The following STAT4 variants were observed in gnomAD, a reference collection of about 807,000 sequenced individuals.
STAT4 encodes signal transducer and activator of transcription 4.
Under a neutral mutation model 110.5 loss-of-function variants are expected in STAT4, and 42 were observed. That is an observed-to-expected ratio of 0.38 (90% CI 0.30 to 0.49). The LOEUF (loss-of-function observed/expected upper bound fraction) is 0.49, where lower values mean the gene tolerates loss of function less well. Among genes scored for constraint, STAT4 ranks in the 20% least tolerant of loss-of-function variants. The pLI, the probability that STAT4 is intolerant of heterozygous loss-of-function variation, is 0.95. For synonymous variants in STAT4, 284 were observed against 302.2 expected (o/e 0.94, Z 0.63); for missense variants, 632 against 887.9 (o/e 0.71, Z 3.66).
rs1163270750 is a variant in STAT4, at chr2:191,117,443, C to T, written c.273+29170G>A. 2.0e-5 allele frequency among the ~76,000 whole-genome samples: 3 copies of T among 152,166 alleles called. No homozygotes were observed. The highest frequency in any genetic ancestry group is 7.2e-5 in the African/African-American group (3 of 41,434). On this transcript the variant is annotated intron_variant, in intron 3 of 23. Transcript: ENST00000392320. The surrounding 1 kb of genome is among the most constrained non-coding windows in gnomAD (Gnocchi z 5.2). ...CATTTCTTCTTGTCCTAAAATAATA[C>T]TTCTACAACTCCCATTAGACTCTAT... is the stretch of plus-strand genomic sequence containing the variant.
At chr2:191,123,989 A>T (rs2125398377) in intron 3 of STAT4, among the ~76,000 whole-genome samples, 1 of 152,322 alleles carries the variant, frequency 6.6e-6, no homozygotes, top group East Asian at 1.9e-4. Flanking sequence ...AATTCCTTCC[A>T]TCCTTAGAAA....
intron 3 of STAT4, among the ~76,000 whole-genome samples, chr2:191,108,723 G>T (rs1363729691): frequency 2.0e-5 from 3 of 152,202 alleles, no homozygotes; most frequent in Non-Finnish European, 4.4e-5. Context: ...TGCATGCTCT[G>T]GGACCGTGAT....
At position 191,060,349 on chromosome 2, in the gene STAT4, T is replaced by C. The variant is rs1001455676; in HGVS notation, c.1034+1380A>G. Among the ~76,000 whole-genome samples, 16 of 152,254 alleles carry C rather than the reference T, an allele frequency of 1.1e-4. No individual in the cohort carries two copies. The highest frequency in any genetic ancestry group is 3.1e-4 in the African/African-American group (13 of 41,466). On this transcript the variant is annotated intron_variant, in intron 10 of 23. Coordinates refer to ENST00000392320, the MANE Select transcript of STAT4 (RefSeq NM_003151.4). This position sits in a 1 kb window ranked among gnomAD's most constrained non-coding sequence, Gnocchi z 4.5. Reference sequence around the variant, plus strand: ...CATCTTATTTCACTCTCCTCCGAGTTATACAGAGATGTCGGAATGAGGAAG... The same window carrying C: ...CATCTTATTTCACTCTCCTCCGAGTCATACAGAGATGTCGGAATGAGGAAG...
intron 3 of STAT4, among the ~76,000 whole-genome samples, chr2:191,092,455 A>G (rs1201797949): frequency 6.6e-6 from 1 of 152,074 alleles, no homozygotes; most frequent in Non-Finnish European, 1.5e-5. Context: ...ATTTTACGTA[A>G]CAGATATCCC....
At chr2:191,036,924 G>T (rs1696062494) in intron 16 of STAT4, among the ~76,000 whole-genome samples, 1 of 152,138 alleles carries the variant, frequency 6.6e-6, no homozygotes, top group South Asian at 2.1e-4. Flanking sequence ...TCTCATCTCT[G>T]TTGTTCTTAA....
At chr2:191,063,196 G>A (rs1696897086) in intron 8 of STAT4, among the ~76,000 whole-genome samples, 1 of 151,604 alleles carries the variant, frequency 6.6e-6, no homozygotes, top group Non-Finnish European at 1.5e-5. Context: ...ATCAACATTT[G>A]GAACTAAATC....
chr2:191,052,127 T>C (rs184225598), intron 14 of STAT4, among the ~76,000 whole-genome samples: 16 of 152,326 alleles, frequency 1.1e-4, no homozygotes. Flanking sequence ...ATCCCTGGCC[T>C]CATGACTTTA....
At chr2:191,078,301 T>C (rs906808424) in intron 3 of STAT4, among the ~76,000 whole-genome samples, 17 of 152,136 alleles carry the variant, frequency 1.1e-4, no homozygotes, top group African/African-American at 3.9e-4. Flanking sequence ...TTTCAACATT[T>C]CTCAGTTGTG....
chr2:191,030,233 T>C lies in STAT4; in HGVS notation c.2221-367A>G, dbSNP rs1244002139. Among the ~76,000 whole-genome samples the C allele has an allele frequency of 1.3e-5, 2 of 152,232 alleles. No individual in the cohort carries two copies. The highest frequency in any genetic ancestry group is 1.9e-4 in the East Asian group (1 of 5,200). On this transcript the variant is annotated intron_variant, in intron 23 of 23. Transcript: ENST00000392320. The surrounding 1 kb of genome is among the most constrained non-coding windows in gnomAD (Gnocchi z 4.4). The stretch of plus-strand genomic sequence containing the variant: ...AGTGAATTTTTCATCTATGGAAATC[T>C]TCAAGAGAAGGACTAAAAGCCAGCC...
Position 191,062,495 on chromosome 2 carries a change from A to T in STAT4, c.941+267T>A, listed in dbSNP as rs1276502944. On this transcript the variant is annotated intron_variant, in intron 9 of 23. Transcript: ENST00000392320. This position sits in a 1 kb window ranked among gnomAD's most constrained non-coding sequence, Gnocchi z 4.9. ...ATGCACATAAGAAAAAACCCTTGAA[A>T]TTTTTTCTAAGATGTGAAAACTGAG... Among the ~76,000 whole-genome samples, 1 of 152,112 alleles carries T rather than the reference A, an allele frequency of 6.6e-6. No homozygotes were observed. The highest frequency in any genetic ancestry group is 1.9e-4 in the East Asian group (1 of 5,206).
chr2:191,080,950 G>T (rs1378208035), intron 3 of STAT4, among the ~76,000 whole-genome samples: 4 of 152,096 alleles, frequency 2.6e-5, no homozygotes, highest in African/African-American at 7.2e-5. Context: ...TCATCAACCT[G>T]TCATCAAATT....
rs1464371627 is a variant in STAT4, at chr2:191,131,159, T to C, written c.273+15454A>G. On this transcript the variant is annotated intron_variant, in intron 3 of 23. Coordinates refer to ENST00000392320, the MANE Select transcript of STAT4 (RefSeq NM_003151.4). ...ATTTTTAAAAAACAATTTGGCATTA[T>C]GTAATATAATTAAAGATGTACATAG... Among the ~76,000 whole-genome samples, 2 of 151,752 alleles carry C rather than the reference T, an allele frequency of 1.3e-5. 1 individual carries two copies. Among genetic ancestry groups the C allele is most frequent in the African/African-American group, 4.9e-5 (2 of 41,020 alleles).
intron 15 of STAT4, 72 bp downstream of exon 15, chr2:191,040,993 C>T: frequency 9.9e-7 from 1 of 1,009,722 alleles, no homozygotes; most frequent in Non-Finnish European, 1.3e-6. Flanking sequence ...AAAGACTGAG[C>T]TTACATCTAT....
intron 13 of STAT4, among the ~76,000 whole-genome samples, chr2:191,056,869 G>A (rs1411877749): frequency 7.1e-6 from 1 of 140,962 alleles, no homozygotes. Context: ...TGCAAACTCC[G>A]CCTCCCGGGT....
chr2:191,092,925 C>T (rs1033962553), intron 3 of STAT4, among the ~76,000 whole-genome samples: 4 of 152,144 alleles, frequency 2.6e-5, no homozygotes, highest in African/African-American at 9.7e-5. Flanking sequence ...GTCCCATGCC[C>T]ATGGAGCCTT....
In STAT4 at chr2:191,036,217, A is replaced by G. The variant is rs1477938637; in HGVS notation, c.1517T>C (p.Val506Ala). Residue 506 changes from valine to alanine, a missense_variant, in exon 17 of 24, where the codon GTT (valine) becomes GCT (alanine). Val to Ala is a moderately conservative substitution (Grantham distance 64). Coordinates refer to ENST00000392320, the MANE Select transcript of STAT4 (RefSeq NM_003151.4). ...EVMSWQFSSYVGRGLNSDQLH... is the reference protein window; with the variant it reads ...EVMSWQFSSYAGRGLNSDQLH... Reference sequence around the variant, plus strand: ...TTGATCTGAGTTAAGACCACGACCAACGTACGATGAAAACTGCCAGCTCAT... The same window carrying G: ...TTGATCTGAGTTAAGACCACGACCAGCGTACGATGAAAACTGCCAGCTCAT... The G allele has an allele frequency of 1.2e-6, 2 of 1,614,016 alleles. No individual in the cohort carries two copies. Among genetic ancestry groups the G allele is most frequent in the Non-Finnish European group, 1.7e-6 (2 of 1,180,026 alleles).
Position 191,061,408 on chromosome 2 carries a change from A to G in STAT4, c.1034+321T>C, listed in dbSNP as rs1318449063. Among the ~76,000 whole-genome samples the G allele has an allele frequency of 1.3e-5, 2 of 151,934 alleles. No homozygotes were observed. Among genetic ancestry groups the G allele is most frequent in the African/African-American group, 2.4e-5 (1 of 41,366 alleles). On this transcript the variant is annotated intron_variant, in intron 10 of 23. Coordinates refer to ENST00000392320, the MANE Select transcript of STAT4 (RefSeq NM_003151.4). This position sits in a 1 kb window ranked among gnomAD's most constrained non-coding sequence, Gnocchi z 6.2. ...ATTTCTGTATTCTCACTCTCCTACA[A>G]TCCTCCTCCCCTCTCCCAATCTCTC...
At chr2:191,087,611 C>G (rs146570986) in intron 3 of STAT4, among the ~76,000 whole-genome samples, 3 of 152,080 alleles carry the variant, frequency 2.0e-5, no homozygotes, top group Non-Finnish European at 4.4e-5. Flanking sequence ...ATTTACATAA[C>G]AAGGCCACCT....
Position 191,088,215 on chromosome 2 carries a change from G to A in STAT4, c.274-11890C>T, listed in dbSNP as rs79620938. Among the ~76,000 whole-genome samples, 35 of 152,280 alleles carry A rather than the reference G, an allele frequency of 2.3e-4. 1 individual carries two copies. The East Asian group carries it at 6.7e-3, about 29-fold the overall frequency. On this transcript the variant is annotated intron_variant, in intron 3 of 23. Coordinates refer to ENST00000392320, the MANE Select transcript of STAT4 (RefSeq NM_003151.4). ...CTCCTGGAACTAATAAGCCATTAGA[G>A]TAAGGTTATAGACTGTAACATTAAG...
Sources: allele counts gnomAD v4.1 joint callset (sites outside exome capture counted in the v4.1 genomes callset), GRCh38; gene constraint gnomAD v4.1.1; non-coding constraint Gnocchi (gnomAD v3.1); transcripts MANE v1.5; gene names NCBI Gene and HGNC (gene_info 2026-07-23, HGNC 2026-07-21).